SPAM1: variants seen among roughly 807,000 people sequenced by gnomAD.
SPAM1 encodes sperm adhesion molecule 1, also known as hyaluronidase PH-20.
A neutral mutation model predicts 29.6 loss-of-function variants in SPAM1; 22 were observed. The ratio of observed to expected loss-of-function variants is 0.74; its 90% CI spans 0.53 to 1.06. SPAM1 has a LOEUF of 1.06. Among genes scored for constraint, SPAM1 ranks in the 50% least tolerant of loss-of-function variants. The pLI, the probability that SPAM1 is intolerant of heterozygous loss-of-function variation, is 0.00. For missense variants in SPAM1, 534 were observed against 604.0 expected (o/e 0.88, Z 1.21); for synonymous variants, 194 against 204.6 (o/e 0.95, Z 0.44).
chr7:123,966,549 A>G (rs1227545283), intron 5 of SPAM1, among the ~76,000 whole-genome samples: 2 of 152,112 alleles, frequency 1.3e-5, no homozygotes, highest in Admixed American at 6.6e-5. Context: ...CTAGATAAAG[A>G]AAATGTGGTA....
Position 123,928,038 on chromosome 7 carries a change from A to G in SPAM1, c.-319+2686A>G, listed in dbSNP as rs1023104736. On this transcript the variant is annotated intron_variant, in intron 1 of 4. Transcript: ENST00000682466. ...AGAGTTCATGGCTCTTAGACCTTGTACAGATCTATGGATTTGATTCCCATC... is the reference window on the plus strand; with the variant it reads ...AGAGTTCATGGCTCTTAGACCTTGTGCAGATCTATGGATTTGATTCCCATC... Among the ~76,000 whole-genome samples the G allele has an allele frequency of 5.9e-5, 9 of 152,150 alleles. No homozygotes were observed. In the East Asian group the frequency reaches 1.7e-3, roughly 29 times the overall value.
chr7:123,932,146 G>A (rs1314854852), intron 1 of SPAM1: 4 of 152,228 alleles, frequency 2.6e-5, no homozygotes, highest in African/African-American at 9.7e-5. Flanking sequence ...GGCAGTGGCA[G>A]CTGCATTCTG....
chr7:123,937,962 T>G (rs1808307608), intron 1 of SPAM1, among the ~76,000 whole-genome samples: 1 of 152,230 alleles, frequency 6.6e-6, no homozygotes, highest in Non-Finnish European at 1.5e-5. Flanking sequence ...AGTGTTGTTT[T>G]GTGGCACAAG....
chr7:123,961,564 A>G (rs939043770), downstream of SPAM1, among the ~76,000 whole-genome samples: 4 of 151,872 alleles, frequency 2.6e-5, no homozygotes, highest in African/African-American at 4.8e-5. Flanking sequence ...TAATCCATTC[A>G]TCTGTTGATG....
At chr7:123,961,350 T>C (rs993204168), downstream of SPAM1, among the ~76,000 whole-genome samples, 2 of 151,932 alleles carry the variant, frequency 1.3e-5, no homozygotes, top group Admixed American at 6.6e-5. Context: ...CTAATAATCA[T>C]AACAATAATT....
intron 3 of SPAM1, 139 bp from the exon 4 acceptor site, chr7:123,954,858 C>T: frequency 1.6e-6 from 1 of 628,766 alleles, no homozygotes; most frequent in Non-Finnish European, 2.8e-6. Flanking sequence ...AAGGCAATGG[C>T]TGTGTAAGAG....
At chr7:123,968,056 A>G (rs573490848) in intron 5 of SPAM1, among the ~76,000 whole-genome samples, 2 of 151,994 alleles carry the variant, frequency 1.3e-5, no homozygotes, top group Non-Finnish European at 2.9e-5. Flanking sequence ...ATAAGCCCCA[A>G]AATTGGGGCT....
intron 1 of SPAM1, among the ~76,000 whole-genome samples, chr7:123,945,079 A>G (rs1808535419): frequency 6.6e-6 from 1 of 152,124 alleles, no homozygotes; most frequent in South Asian, 2.1e-4. Flanking sequence ...TTCTTTAACA[A>G]CCAGTCATTT....
chr7:123,966,779 TAAG>T (rs1370643375), intron 5 of SPAM1, among the ~76,000 whole-genome samples: 4 of 151,764 alleles, frequency 2.6e-5, no homozygotes, highest in Non-Finnish European at 5.9e-5. Flanking sequence ...GGGAGAGCAT[TAAG>T]AAGAATAGCT....
At chr7:123,961,409 C>T (rs1323823414), downstream of SPAM1, among the ~76,000 whole-genome samples, 1 of 151,922 alleles carries the variant, frequency 6.6e-6, no homozygotes, top group Non-Finnish European at 1.5e-5. Flanking sequence ...TGAGTGAGAA[C>T]ATGAGATGCT....
At chr7:123,957,173 C>T (rs1465785176) in intron 4 of SPAM1, among the ~76,000 whole-genome samples, 1 of 151,732 alleles carries the variant, frequency 6.6e-6, no homozygotes, top group East Asian at 1.9e-4. Context: ...TTAAAAAGTA[C>T]ACAAGTAAGA....
chr7:123,963,490 A>T (rs563321377), downstream of SPAM1, among the ~76,000 whole-genome samples: 1 of 151,924 alleles, frequency 6.6e-6, no homozygotes, highest in Admixed American at 6.6e-5. Context: ...GATTAGCATT[A>T]AAAAGGATAT....
intron 2 of SPAM1, among the ~76,000 whole-genome samples, chr7:123,951,283 TTTTG>T (rs1808756245): frequency 1.3e-5 from 2 of 152,174 alleles, no homozygotes; most frequent in African/African-American, 2.4e-5. Context: ...TTTGTTCCAT[TTTTG>T]TTTTTGTTGC....
rs996310163 is a variant in SPAM1, at chr7:123,954,249, C to A, written c.679C>A (p.His227Asn). The change falls in exon 3 of 5, where the codon CAT becomes AAT. Residue 227 changes from histidine (H) to asparagine (N), a missense_variant. Physicochemically the swap from His to Asn is moderately conservative, Grantham distance 68. Coordinates refer to ENST00000682466, the MANE Select transcript of SPAM1 (RefSeq NM_153189.3). ...GYYLFPDCYN[H>N]HYKKPGYNGS... ...TTATCTTTTTCCGGATTGTTACAAC[C>A]ATCACTATAAGAAACCCGGTTACAA... The A allele has an allele frequency of 2.5e-6, 4 of 1,613,198 alleles. No homozygotes were observed. Among genetic ancestry groups the A allele is most frequent in the Non-Finnish European group, 3.4e-6 (4 of 1,179,622 alleles).
rs562214325 is a variant in SPAM1, at chr7:123,935,162, T to C, written c.-319+9810T>C. Among the ~76,000 whole-genome samples, 12 of 152,294 alleles carry C rather than the reference T, an allele frequency of 7.9e-5. No homozygotes were observed. The East Asian group carries it at 2.1e-3, about 27-fold the overall frequency. On this transcript the variant is annotated intron_variant, in intron 1 of 4. Coordinates refer to ENST00000682466, the MANE Select transcript of SPAM1 (RefSeq NM_153189.3). ...AAAGAGAATGTTGTCTTCTTCCTAATACAGGGAGGGTGCCTGTACATGGGA... is the reference window on the plus strand; with the variant it reads ...AAAGAGAATGTTGTCTTCTTCCTAACACAGGGAGGGTGCCTGTACATGGGA...
downstream of SPAM1, among the ~76,000 whole-genome samples, chr7:123,962,073 T>A (rs74833518): frequency 4.7e-3 from 709 of 152,082 alleles, 8 homozygotes; most frequent in African/African-American, 0.016. Context: ...ATCACTATGG[T>A]AGTTCTATTT....
chr7:123,926,926 A>G (rs975576941), intron 1 of SPAM1, among the ~76,000 whole-genome samples: 1 of 152,112 alleles, frequency 6.6e-6, no homozygotes, highest in Non-Finnish European at 1.5e-5. Context: ...CTCTTAGTTG[A>G]TTATCTTCTG....
chr7:123,950,523 T>C (rs1808725071), intron 2 of SPAM1, among the ~76,000 whole-genome samples: 1 of 152,164 alleles, frequency 6.6e-6, no homozygotes, highest in Non-Finnish European at 1.5e-5. Flanking sequence ...AGTATTTTTC[T>C]GTGTCTGAGT....
At chr7:123,968,535 G>A (rs1212705063) in intron 5 of SPAM1, among the ~76,000 whole-genome samples, 1 of 151,998 alleles carries the variant, frequency 6.6e-6, no homozygotes, top group East Asian at 1.9e-4. Flanking sequence ...AGGTGGAGAA[G>A]CAGGTTTGGG....
Sources: allele counts gnomAD v4.1 joint callset (sites outside exome capture counted in the v4.1 genomes callset), GRCh38; gene constraint gnomAD v4.1.1; transcripts MANE v1.5; gene names NCBI Gene and HGNC (gene_info 2026-07-23, HGNC 2026-07-21).